The following SLC16A10 variants were observed in gnomAD, a reference collection of about 807,000 sequenced individuals.
SLC16A10 encodes solute carrier family 16 member 10, also known as monocarboxylate transporter 10.
A neutral mutation model predicts 40.0 loss-of-function variants in SLC16A10; 27 were observed. The observed-to-expected ratio is 0.67, with a 90% CI of 0.50 to 0.93. The LOEUF (loss-of-function observed/expected upper bound fraction) is 0.93. Ranked by LOEUF, SLC16A10 falls within the 40% of genes least tolerant of loss-of-function variation. The pLI, the probability that SLC16A10 is intolerant of heterozygous loss-of-function variation, is 0.00. For synonymous variants in SLC16A10, 213 were observed against 249.8 expected (o/e 0.85, Z 1.39); for missense variants, 529 against 658.2 (o/e 0.80, Z 2.15).
Position 111,088,058 on chromosome 6 carries a change from C to G in SLC16A10, c.306C>G (p.Phe102Leu). The change falls in exon 1 of 6, where the codon TTC (phenylalanine) becomes TTG (leucine). Residue 102 changes from phenylalanine to leucine, a missense_variant. Transcript: ENST00000368851. Reference sequence around the variant, plus strand: ...TCTTCGTGTCCATGCTGGAAACCTTCGGCTCCAAAGACGATGACAAGATGG... The same window carrying G: ...TCTTCGTGTCCATGCTGGAAACCTTGGGCTCCAAAGACGATGACAAGATGG... Reference protein sequence around the residue: ...GVLFVSMLETFGSKDDDKMVF... With the variant: ...GVLFVSMLETLGSKDDDKMVF... 2 of 1,608,326 alleles carry G rather than the reference C, an allele frequency of 1.2e-6. No individual in the cohort carries two copies. Among genetic ancestry groups the G allele is most frequent in the Non-Finnish European group, 8.5e-7 (1 of 1,177,538 alleles).
At chr6:111,199,534 T>C (rs1372953862) in intron 3 of SLC16A10, among the ~76,000 whole-genome samples, 1 of 152,140 alleles carries the variant, frequency 6.6e-6, no homozygotes, top group Non-Finnish European at 1.5e-5. Context: ...CCTTTCATTG[T>C]TCAGGAAGGA....
chr6:111,196,979 T>C (rs1773090053), intron 3 of SLC16A10, among the ~76,000 whole-genome samples: 1 of 152,106 alleles, frequency 6.6e-6, no homozygotes, highest in Non-Finnish European at 1.5e-5. Flanking sequence ...ACACCAGAAC[T>C]CTGAAATAAG....
At chr6:111,153,159 C>T (rs955655714) in intron 1 of SLC16A10, among the ~76,000 whole-genome samples, 3 of 152,078 alleles carry the variant, frequency 2.0e-5, no homozygotes, top group East Asian at 1.9e-4. Context: ...AGCTTTTTTG[C>T]GTCCTTATTC....
At chr6:111,213,383 A>G (rs1266030235) in intron 4 of SLC16A10, among the ~76,000 whole-genome samples, 1 of 152,224 alleles carries the variant, frequency 6.6e-6, no homozygotes, top group Non-Finnish European at 1.5e-5. Flanking sequence ...TAAAAAATAT[A>G]TTCATGAGTT....
intron 1 of SLC16A10, among the ~76,000 whole-genome samples, chr6:111,098,845 G>A (rs577541274): frequency 5.3e-5 from 8 of 152,280 alleles, no homozygotes; most frequent in African/African-American, 9.6e-5. Context: ...CTGTAGTAAC[G>A]TAGCACTCAA....
At chr6:111,164,337 A>G (rs572686600) in intron 1 of SLC16A10, among the ~76,000 whole-genome samples, 3 of 152,066 alleles carry the variant, frequency 2.0e-5, no homozygotes, top group Non-Finnish European at 4.4e-5. Context: ...TTTAATTTTA[A>G]TGTAAAGCCT....
intron 5 of SLC16A10, among the ~76,000 whole-genome samples, chr6:111,221,759 C>A (rs929463673): frequency 8.0e-5 from 12 of 150,664 alleles, no homozygotes; most frequent in South Asian, 2.1e-4. Context: ...AAAAAAAAAA[C>A]GTCTACCTTT....
chr6:111,196,556 C>G (rs1251357381), intron 3 of SLC16A10, among the ~76,000 whole-genome samples: 1 of 152,044 alleles, frequency 6.6e-6, no homozygotes, highest in African/African-American at 2.4e-5. Flanking sequence ...TGCCTGTAAT[C>G]CCAGAACTTT....
chr6:111,135,323 C>T (rs1315440089), intron 1 of SLC16A10, among the ~76,000 whole-genome samples: 1 of 152,150 alleles, frequency 6.6e-6, no homozygotes, highest in Non-Finnish European at 1.5e-5. Flanking sequence ...AGACTGGAGG[C>T]CCACCAAGGA....
intron 1 of SLC16A10, among the ~76,000 whole-genome samples, chr6:111,144,877 C>T (rs1772049017): frequency 6.6e-6 from 1 of 152,138 alleles, no homozygotes; most frequent in African/African-American, 2.4e-5. Flanking sequence ...CGGAGTCTCC[C>T]TGTATCACCT....
At chr6:111,091,805 C>T (rs1300815536) in intron 1 of SLC16A10, among the ~76,000 whole-genome samples, 2 of 152,234 alleles carry the variant, frequency 1.3e-5, no homozygotes, top group South Asian at 2.1e-4. Context: ...TGAGTTTACA[C>T]ATCTTACTGT....
chr6:111,217,270 A>G (rs1013666355), intron 4 of SLC16A10, among the ~76,000 whole-genome samples: 1 of 152,208 alleles, frequency 6.6e-6, no homozygotes, highest in Non-Finnish European at 1.5e-5. Flanking sequence ...GTACCACCTC[A>G]TAAAGTTGTT....
At chr6:111,209,793 T>A (rs1311778095) in intron 4 of SLC16A10, among the ~76,000 whole-genome samples, 2 of 152,168 alleles carry the variant, frequency 1.3e-5, no homozygotes, top group Non-Finnish European at 2.9e-5. Flanking sequence ...TGAAAGGTTT[T>A]CATTGAATTT....
At chr6:111,120,328 G>A (rs1381917082) in intron 1 of SLC16A10, among the ~76,000 whole-genome samples, 2 of 152,152 alleles carry the variant, frequency 1.3e-5, no homozygotes, top group Non-Finnish European at 1.5e-5. Flanking sequence ...TTATGGACTA[G>A]TTCAGGCTTA....
intron 3 of SLC16A10, among the ~76,000 whole-genome samples, chr6:111,199,459 C>CA (rs563671372): frequency 0.074 from 7,242 of 97,730 alleles, 541 homozygotes; most frequent in African/African-American, 0.24. Context: ...AATGCCATCT[C>CA]AAAAAAAAAA....
intron 1 of SLC16A10, among the ~76,000 whole-genome samples, chr6:111,170,574 T>G (rs1402573969): frequency 6.6e-6 from 1 of 152,068 alleles, no homozygotes; most frequent in Non-Finnish European, 1.5e-5. Flanking sequence ...CTCAGCCTCC[T>G]GAGTAGCTGG....
At chr6:111,157,201 G>A (rs927198275) in intron 1 of SLC16A10, among the ~76,000 whole-genome samples, 1 of 152,186 alleles carries the variant, frequency 6.6e-6, no homozygotes, top group Admixed American at 6.5e-5. Context: ...TTACAGGCGT[G>A]AGCCACCGCG....
At chr6:111,093,642 C>T (rs186393349) in intron 1 of SLC16A10, among the ~76,000 whole-genome samples, 12 of 152,282 alleles carry the variant, frequency 7.9e-5, no homozygotes, top group African/African-American at 2.2e-4. Context: ...GTAGGAAAAG[C>T]GGCCTGCATA....
chr6:111,157,072 C>T (rs1456755368), intron 1 of SLC16A10, among the ~76,000 whole-genome samples: 2 of 152,060 alleles, frequency 1.3e-5, no homozygotes, highest in Non-Finnish European at 2.9e-5. Context: ...GCACGCGCCA[C>T]CACACCCAGC....
Sources: gnomAD v4.1 joint callset for allele counts (sites outside exome capture counted in the v4.1 genomes callset) on GRCh38, gnomAD v4.1.1 for gene constraint, MANE v1.5 for transcripts, NCBI Gene and HGNC (gene_info 2026-07-23, HGNC 2026-07-21) for gene names.